Variants in NRXN3 observed in about 807,000 individuals in gnomAD.
The protein encoded by NRXN3 is neurexin 3, also known as neurexin III.
Under a neutral mutation model 137.6 loss-of-function variants are expected in NRXN3, and 32 were observed. The ratio of observed to expected loss-of-function variants is 0.23; its 90% CI spans 0.18 to 0.31. The LOEUF is 0.31. Ranked by LOEUF, NRXN3 falls within the 10% of genes least tolerant of loss-of-function variation. NRXN3 has a pLI of 1.00. For missense variants in NRXN3, 1,574 were observed against 2,062.5 expected (o/e 0.76, Z 4.59); for synonymous variants, 798 against 784.5 (o/e 1.02, Z -0.29).
intron 15 of NRXN3, among the ~76,000 whole-genome samples, chr14:79,047,779 C>G (rs559926171): frequency 1.3e-5 from 2 of 152,246 alleles, no homozygotes; most frequent in Admixed American, 1.3e-4. Context: ...AGACGGACAA[C>G]ACCAAATATT....
chr14:78,205,553 A>G (rs2062103503), intron 1 of NRXN3, among the ~76,000 whole-genome samples: 1 of 152,236 alleles, frequency 6.6e-6, no homozygotes, highest in Non-Finnish European at 1.5e-5. Flanking sequence ...CAAAAAGTTG[A>G]TTGTGGCTTG....
intron 10 of NRXN3, among the ~76,000 whole-genome samples, chr14:78,914,919 G>T (rs2099250798): frequency 6.6e-6 from 1 of 151,792 alleles, no homozygotes; most frequent in East Asian, 1.9e-4. Flanking sequence ...AAGGAGGGGG[G>T]ATAATTTGTT....
chr14:79,741,950 CTAA>C (rs2098964744), intron 19 of NRXN3, among the ~76,000 whole-genome samples: 1 of 152,134 alleles, frequency 6.6e-6, no homozygotes, highest in South Asian at 2.1e-4. Context: ...GAGTATTGCA[CTAA>C]TGTTTCTATA....
chr14:78,612,922 T>G (rs1002992766), intron 4 of NRXN3, among the ~76,000 whole-genome samples: 1 of 152,214 alleles, frequency 6.6e-6, no homozygotes, highest in Non-Finnish European at 1.5e-5. Flanking sequence ...GTTGCTTGGT[T>G]TCTTTCCCTG....
intron 3 of NRXN3, among the ~76,000 whole-genome samples, chr14:78,296,512 C>A (rs78190421): frequency 6.6e-6 from 1 of 152,144 alleles, no homozygotes; most frequent in Non-Finnish European, 1.5e-5. Context: ...ACCCTTCCCC[C>A]ACAAAAGACC....
intron 19 of NRXN3, among the ~76,000 whole-genome samples, chr14:79,780,815 C>T (rs1314141688): frequency 2.6e-5 from 4 of 151,992 alleles, no homozygotes; most frequent in East Asian, 1.9e-4. Flanking sequence ...CAACTACCAT[C>T]GTAGTTACTA....
intron 15 of NRXN3, among the ~76,000 whole-genome samples, chr14:78,993,834 ATT>A (rs58170856): frequency 0.012 from 811 of 66,522 alleles, no homozygotes; most frequent in African/African-American, 0.019. Context: ...GAGCCTTGAA[ATT>A]TTTTTTTTTT....
intron 15 of NRXN3, among the ~76,000 whole-genome samples, chr14:79,063,427 G>A (rs1418076656): frequency 6.6e-6 from 1 of 152,044 alleles, no homozygotes; most frequent in African/African-American, 2.4e-5. Context: ...GGGATTACAG[G>A]TGCATACCAC....
chr14:78,318,020 T>C (rs1196492537), intron 4 of NRXN3, among the ~76,000 whole-genome samples: 4 of 152,192 alleles, frequency 2.6e-5, no homozygotes, highest in Admixed American at 2.6e-4. Context: ...TCTACCTTGA[T>C]AGAATAACTT....
At chr14:79,203,815 G>A (rs1189610028) in intron 15 of NRXN3, among the ~76,000 whole-genome samples, 1 of 152,188 alleles carries the variant, frequency 6.6e-6, no homozygotes, top group Non-Finnish European at 1.5e-5. Flanking sequence ...TTAGCAGATA[G>A]TAGGTGCTTA....
At chr14:78,565,886 G>A (rs2096831748) in intron 4 of NRXN3, among the ~76,000 whole-genome samples, 2 of 152,318 alleles carry the variant, frequency 1.3e-5, no homozygotes, top group East Asian at 1.9e-4. Context: ...AATCACATCT[G>A]AAAGGTTGGC....
At chr14:78,470,917 G>T (rs555719735) in intron 4 of NRXN3, among the ~76,000 whole-genome samples, 23 of 152,108 alleles carry the variant, frequency 1.5e-4, no homozygotes, top group Non-Finnish European at 3.2e-4. Flanking sequence ...CCTTCCGAAG[G>T]TCAGATAGCT....
intron 15 of NRXN3, among the ~76,000 whole-genome samples, chr14:79,295,753 T>C: frequency 6.6e-6 from 1 of 152,188 alleles, no homozygotes; most frequent in Non-Finnish European, 1.5e-5. Flanking sequence ...ACTTTTCCCT[T>C]GATTGAGAAT....
chr14:79,033,738 C>G (rs2099611500), intron 15 of NRXN3, among the ~76,000 whole-genome samples: 1 of 152,028 alleles, frequency 6.6e-6, no homozygotes, highest in Non-Finnish European at 1.5e-5. Flanking sequence ...TTGGAAAATA[C>G]AAGTCTGAGT....
At chr14:78,321,145 G>T (rs2079310103) in intron 4 of NRXN3, among the ~76,000 whole-genome samples, 1 of 151,786 alleles carries the variant, frequency 6.6e-6, no homozygotes, top group Non-Finnish European at 1.5e-5. Flanking sequence ...AAAGAAAAAA[G>T]ATCACCCAGC....
chr14:79,835,775 G>A (rs551698520), intron 20 of NRXN3, among the ~76,000 whole-genome samples: 36 of 152,252 alleles, frequency 2.4e-4, no homozygotes, highest in Admixed American at 3.9e-4. Context: ...AAAGTGGTTT[G>A]GGATTCTGTG....
Position 78,482,158 on chromosome 14 carries a change from ATCTT to A in NRXN3, c.758-162960_758-162957del, listed in dbSNP as rs2095483681. 3.3e-5 allele frequency among the ~76,000 whole-genome samples: 5 copies of A among 152,256 alleles called. 1 individual carries two copies. The South Asian group carries it at 1.0e-3, about 32-fold the overall frequency. On this transcript the variant is annotated intron_variant, in intron 4 of 20. Transcript: ENST00000335750. The stretch of plus-strand genomic sequence containing the variant: ...TGTATTTATATCAGCTGACTACTAT[ATCTT>A]TTCTCAAACTCCAAAGCCCACATAG...
chr14:78,308,963 A>C (rs7155434), intron 4 of NRXN3, among the ~76,000 whole-genome samples: 35,904 of 152,084 alleles, frequency 0.24, 4,751 homozygotes, highest in Middle Eastern at 0.31. Context: ...GAACTTGATA[A>C]TGTGAGTTTT....
At chr14:78,526,943 G>T (rs2096389549) in intron 4 of NRXN3, among the ~76,000 whole-genome samples, 1 of 152,186 alleles carries the variant, frequency 6.6e-6, no homozygotes, top group Admixed American at 6.5e-5. Flanking sequence ...CCAAATGGAA[G>T]ACTATTTGTA....
Sources: allele counts gnomAD v4.1 joint callset (sites outside exome capture counted in the v4.1 genomes callset), GRCh38; gene constraint gnomAD v4.1.1; transcripts MANE v1.5; gene names NCBI Gene and HGNC (gene_info 2026-07-23, HGNC 2026-07-21).